PLEKHG4B: variants seen among roughly 807,000 people sequenced by gnomAD.
PLEKHG4B encodes the protein pleckstrin homology domain-containing family G member 4B.
PLEKHG4B carries 111 observed loss-of-function variants against 121.3 expected under a neutral mutation model. That is an observed-to-expected ratio of 0.92 (90% CI 0.78 to 1.07). The LOEUF is 1.07. PLEKHG4B is among the 50% of genes least tolerant of loss of function. The pLI, the probability that PLEKHG4B is intolerant of heterozygous loss-of-function variation, is 0.00. For missense variants in PLEKHG4B, 1,831 were observed against 1,757.8 expected, an observed-to-expected ratio of 1.04 and a Z score of -0.74; for synonymous variants, 738 against 725.0, an observed-to-expected ratio of 1.02 and a Z score of -0.29.
Position 140,198 on chromosome 5 carries a change from G to C in PLEKHG4B, c.959G>C (p.Arg320Thr). The C allele has an allele frequency of 1.7e-6, 2 of 1,206,810 alleles. No individual in the cohort carries two copies. Among genetic ancestry groups the C allele is most frequent in the Non-Finnish European group, 2.3e-6 (2 of 882,338 alleles). 74.8% of individuals were successfully genotyped at this position (1,206,810 alleles called of 1,614,324 possible). ...CCGGACCCCATGGACCAGGAGGACA[G>C]ACCCAAGGCCCTCACCTTCCACACA... ...ERPDPMDQED[R>T]PKALTFHTDL... is the part of the protein sequence containing the mutation. Residue 320 changes from arginine to threonine, a missense_variant, in exon 3 of 20, where the codon AGA becomes ACA. Physicochemically the swap from Arg to Thr is moderately conservative, Grantham distance 71. Coordinates refer to ENST00000637938, the MANE Select transcript of PLEKHG4B (RefSeq NM_052909.5).
chr5:103,212 C>T (rs1029840455), intron 1 of PLEKHG4B, among the ~76,000 whole-genome samples: 7 of 152,204 alleles, frequency 4.6e-5, no homozygotes, highest in Non-Finnish European at 8.8e-5. Flanking sequence ...GGTCCCATCG[C>T]TCCCACCAGG....
chr5:119,195 A>G (rs959770079), intron 2 of PLEKHG4B, among the ~76,000 whole-genome samples: 1 of 152,118 alleles, frequency 6.6e-6, no homozygotes, highest in Non-Finnish European at 1.5e-5. Flanking sequence ...AGGATTGACC[A>G]TTGTCCGTAA....
intron 3 of PLEKHG4B, among the ~76,000 whole-genome samples, chr5:141,711 ATTTTTT>A (rs34273619): frequency 4.7e-5 from 6 of 127,552 alleles, no homozygotes; most frequent in African/African-American, 1.5e-4. Flanking sequence ...TAAATATTTC[ATTTTTT>A]TTTTTTTTTT....
rs370663627 is a variant in PLEKHG4B, at chr5:98,713, TC to T, written c.45+6439del. ...GGTCTTGATCTCCTGACCCTCATGA[TC>T]CACCCGCCTCAGCCTCCCAAAGTGC... On this transcript the variant is annotated intron_variant, in intron 1 of 19. Coordinates refer to ENST00000637938, the MANE Select transcript of PLEKHG4B (RefSeq NM_052909.5). Among the ~76,000 whole-genome samples, 292 of 147,000 alleles carry T rather than the reference TC, an allele frequency of 2.0e-3. 2 individuals are homozygous for T. The highest frequency in any genetic ancestry group is 7.0e-3 in the African/African-American group (279 of 39,852).
At chr5:145,680 T>C (rs893581723) in intron 6 of PLEKHG4B, among the ~76,000 whole-genome samples, 4 of 152,016 alleles carry the variant, frequency 2.6e-5, no homozygotes, top group African/African-American at 9.7e-5. Flanking sequence ...CACTGAACCA[T>C]AAGCAACATC....
chr5:120,838 T>TA (rs1734444296), intron 2 of PLEKHG4B, among the ~76,000 whole-genome samples: 1 of 152,226 alleles, frequency 6.6e-6, no homozygotes, highest in Non-Finnish European at 1.5e-5. Context: ...GGTGTTGGAA[T>TA]TATCAGACAG....
chr5:109,722 A>G (rs533641858), intron 1 of PLEKHG4B, among the ~76,000 whole-genome samples: 33 of 152,374 alleles, frequency 2.2e-4, no homozygotes, highest in African/African-American at 7.7e-4. Context: ...TGAAGAGTGA[A>G]GCTTTAAAAT....
chr5:133,577 A>G (rs1047412089), intron 2 of PLEKHG4B, among the ~76,000 whole-genome samples: 1 of 152,216 alleles, frequency 6.6e-6, no homozygotes, highest in Non-Finnish European at 1.5e-5. Flanking sequence ...CAGAACCACA[A>G]TGTGATACCA....
chr5:163,949 C>T (rs994976374), intron 13 of PLEKHG4B, among the ~76,000 whole-genome samples: 3 of 152,258 alleles, frequency 2.0e-5, no homozygotes, highest in Non-Finnish European at 2.9e-5. Flanking sequence ...CGCACCCATG[C>T]GCCCATTGCC....
intron 1 of PLEKHG4B, among the ~76,000 whole-genome samples, chr5:95,347 T>TG (rs1733600820): frequency 6.6e-6 from 1 of 152,074 alleles, no homozygotes; most frequent in Non-Finnish European, 1.5e-5. Context: ...ATCCACCCTG[T>TG]GCCCCTCAAC....
chr5:95,091 G>C (rs754997615), intron 1 of PLEKHG4B, among the ~76,000 whole-genome samples: 102 of 152,302 alleles, frequency 6.7e-4, no homozygotes, highest in African/African-American at 2.1e-3. Flanking sequence ...GGTTCTCAAA[G>C]ACAAAGCTTT....
chr5:140,582 G>C lies in PLEKHG4B; in HGVS notation c.1343G>C (p.Arg448Thr), dbSNP rs1213611022. Residue 448 changes from arginine to threonine, a missense_variant, in exon 3 of 20, where the codon AGA (arginine) becomes ACA (threonine). By Grantham distance (71) the Arg-to-Thr change is moderately conservative. Coordinates refer to ENST00000637938, the MANE Select transcript of PLEKHG4B (RefSeq NM_052909.5). ...TGGGAAAGGGCACCCAGAAGCTCCA[G>C]AGGGGCCCAGGCTGCAGCCTGCCAC... The part of the protein sequence containing the change: ...RSWERAPRSS[R>T]GAQAAACHTS... 1 of 1,609,320 alleles carries C rather than the reference G, an allele frequency of 6.2e-7. No individual in the cohort carries two copies. Among genetic ancestry groups the C allele is most frequent in the Non-Finnish European group, 8.5e-7 (1 of 1,178,440 alleles).
intron 2 of PLEKHG4B, among the ~76,000 whole-genome samples, chr5:130,367 G>A (rs562481555): frequency 1.5e-4 from 23 of 152,188 alleles, no homozygotes; most frequent in African/African-American, 5.5e-4. Context: ...AATACATAAG[G>A]AAATGTTAAT....
At chr5:129,626 T>TAA (rs1443432311) in intron 2 of PLEKHG4B, among the ~76,000 whole-genome samples, 1 of 152,214 alleles carries the variant, frequency 6.6e-6, no homozygotes, top group Non-Finnish European at 1.5e-5. Flanking sequence ...TAAGCCTCTT[T>TAA]AAATATTTCA....
intron 16 of PLEKHG4B, 140 bp from the exon 17 acceptor site, chr5:172,757 C>T (rs1015591459): frequency 3.4e-5 from 30 of 879,990 alleles, no homozygotes; most frequent in Admixed American, 3.0e-4. Flanking sequence ...AACATTAAGG[C>T]GGATTTGCCA....
At chr5:141,319 G>A (rs1417041667) in intron 3 of PLEKHG4B, among the ~76,000 whole-genome samples, 4 of 133,554 alleles carry the variant, frequency 3.0e-5, no homozygotes, top group Admixed American at 7.8e-5. Flanking sequence ...TCATATTGGC[G>A]CTCACGTTCT....
At chr5:128,548 C>T (rs957915345) in intron 2 of PLEKHG4B, among the ~76,000 whole-genome samples, 30 of 152,248 alleles carry the variant, frequency 2.0e-4, no homozygotes, top group Admixed American at 3.9e-4. Flanking sequence ...TCTTGCAAGC[C>T]GCTCCAGGAA....
intron 1 of PLEKHG4B, among the ~76,000 whole-genome samples, chr5:108,224 A>AGTG (rs1267534641): frequency 2.6e-5 from 4 of 152,168 alleles, no homozygotes; most frequent in Admixed American, 2.6e-4. Flanking sequence ...TGCATTAGGA[A>AGTG]CCAGGGATGA....
At position 163,183 on chromosome 5, in the gene PLEKHG4B, G is replaced by C. The variant is rs760792308; in HGVS notation, c.3111G>C (p.Leu1037=). The C allele has an allele frequency of 2.5e-6, 4 of 1,578,202 alleles. No individual in the cohort carries two copies. The South Asian group carries it at 3.6e-5, about 14-fold the overall frequency. ...GGCTGTGTGCTCTGTGGGACCCACTGTCCCTCCTCAGGGGCCTTCCAGGGG... is the reference window on the plus strand; with the variant it reads ...GGCTGTGTGCTCTGTGGGACCCACTCTCCCTCCTCAGGGGCCTTCCAGGGG... ...RPGLCALWDP[L]SLLRGLPGAG... is the part of the protein sequence containing the mutation. Residue 1037 remains leucine, a synonymous_variant, in exon 13 of 20, where the codon CTG becomes CTC. Transcript: ENST00000637938.
Sources: gnomAD v4.1 joint callset for allele counts (sites outside exome capture counted in the v4.1 genomes callset) on GRCh38, gnomAD v4.1.1 for gene constraint, MANE v1.5 for transcripts, NCBI Gene and HGNC (gene_info 2026-07-23, HGNC 2026-07-21) for gene names.